The following OSBPL10 variants were observed in gnomAD, a reference collection of about 807,000 sequenced individuals.
OSBPL10 encodes oxysterol-binding protein-related protein 10.
A neutral mutation model predicts 81.7 loss-of-function variants in OSBPL10; 49 were observed. That is an observed-to-expected ratio of 0.60 (90% CI 0.48 to 0.76). The LOEUF (loss-of-function observed/expected upper bound fraction) is 0.76, where lower values mean the gene tolerates loss of function less well. OSBPL10 is among the 30% of genes least tolerant of loss of function. The pLI, the probability that OSBPL10 is intolerant of heterozygous loss-of-function variation, is 0.00. For missense variants in OSBPL10, 923 were observed against 987.8 expected (o/e 0.93, Z 0.88); for synonymous variants, 419 against 383.6 (o/e 1.09, Z -1.08).
chr3:32,045,528 T>C (rs1030322459), intron 2 of OSBPL10, among the ~76,000 whole-genome samples: 14 of 152,300 alleles, frequency 9.2e-5, no homozygotes, highest in Admixed American at 7.8e-4. Flanking sequence ...ACAGGGTCGA[T>C]AATAGAATGA....
intron 1 of OSBPL10, among the ~76,000 whole-genome samples, chr3:31,939,378 T>C (rs1181844840): frequency 6.6e-6 from 1 of 151,604 alleles, no homozygotes; most frequent in Admixed American, 6.6e-5. Context: ...CTCCTGACCT[T>C]GTGACCTACC....
At chr3:31,739,753 A>G (rs1232386493) in intron 5 of OSBPL10, among the ~76,000 whole-genome samples, 1 of 152,212 alleles carries the variant, frequency 6.6e-6, no homozygotes, top group Non-Finnish European at 1.5e-5. Context: ...CAAAACTGAG[A>G]AATTTTTGTT....
chr3:31,950,765 T>A (rs1697844821), intron 1 of OSBPL10, among the ~76,000 whole-genome samples: 1 of 152,194 alleles, frequency 6.6e-6, no homozygotes, highest in Non-Finnish European at 1.5e-5. Context: ...TCTGTTAGTT[T>A]ACCAGTTAGC....
chr3:31,942,907 T>C (rs757658488), intron 1 of OSBPL10, among the ~76,000 whole-genome samples: 15 of 152,234 alleles, frequency 9.9e-5, no homozygotes, highest in Non-Finnish European at 1.8e-4. Flanking sequence ...GTGACATTAG[T>C]TGTATTCACA....
intron 11 of OSBPL10, chr3:31,663,867 G>C: frequency 6.9e-7 from 1 of 1,442,946 alleles, no homozygotes. Flanking sequence ...CAGTTGCTCA[G>C]TTCTGCCCTC....
At chr3:31,869,301 C>G (rs567630120) in intron 3 of OSBPL10, among the ~76,000 whole-genome samples, 18 of 152,300 alleles carry the variant, frequency 1.2e-4, no homozygotes, top group African/African-American at 4.3e-4. Flanking sequence ...TCACTCTGAA[C>G]CCCACAATAT....
intron 2 of OSBPL10, among the ~76,000 whole-genome samples, chr3:32,015,903 T>C (rs1699309962): frequency 6.6e-6 from 1 of 152,122 alleles, no homozygotes; most frequent in African/African-American, 2.4e-5. Flanking sequence ...TGAGATACCA[T>C]CTCACACAGT....
At chr3:31,773,893 G>T (rs1047706911) in intron 4 of OSBPL10, among the ~76,000 whole-genome samples, 1 of 152,188 alleles carries the variant, frequency 6.6e-6, no homozygotes, top group African/African-American at 2.4e-5. Flanking sequence ...GCCAGGCGTG[G>T]TGGCTCACGC....
At chr3:31,893,946 C>G (rs1695980853) in intron 1 of OSBPL10, among the ~76,000 whole-genome samples, 1 of 152,034 alleles carries the variant, frequency 6.6e-6, no homozygotes, top group African/African-American at 2.4e-5. Flanking sequence ...GTGATAGTTA[C>G]AAAACTATAT....
At chr3:31,932,501 T>C (rs1697276924) in intron 1 of OSBPL10, among the ~76,000 whole-genome samples, 1 of 152,220 alleles carries the variant, frequency 6.6e-6, no homozygotes, top group African/African-American at 2.4e-5. Context: ...GGTTTCCCTA[T>C]GATTTAAATT....
At chr3:31,732,084 A>T (rs1361277753) in intron 6 of OSBPL10, among the ~76,000 whole-genome samples, 1 of 152,190 alleles carries the variant, frequency 6.6e-6, no homozygotes, top group Non-Finnish European at 1.5e-5. Flanking sequence ...AAGATCTAAT[A>T]ACTCACTTCT....
chr3:31,664,983 C>T lies in OSBPL10; in HGVS notation c.2097-751G>A, dbSNP rs539379270. ...GATGACCTTGACCTTCCTACCCTGGCATGGCAGGAGGAAACCCCATGAAAT... is the reference window on the plus strand; with the variant it reads ...GATGACCTTGACCTTCCTACCCTGGTATGGCAGGAGGAAACCCCATGAAAT... On this transcript the variant is annotated intron_variant, in intron 10 of 11. Coordinates refer to ENST00000396556, the MANE Select transcript of OSBPL10 (RefSeq NM_017784.5). Among the ~76,000 whole-genome samples, 4 of 152,164 alleles carry T rather than the reference C, an allele frequency of 2.6e-5. No individual in the cohort carries two copies. In the East Asian group the frequency reaches 7.7e-4, roughly 29 times the overall value.
At chr3:31,959,215 G>A (rs761705637) in intron 1 of OSBPL10, among the ~76,000 whole-genome samples, 4 of 152,002 alleles carry the variant, frequency 2.6e-5, no homozygotes, top group Non-Finnish European at 5.9e-5. Context: ...AATTTTTAAT[G>A]CAGTCTAATC....
chr3:31,692,153 C>A (rs1300997524), intron 7 of OSBPL10, among the ~76,000 whole-genome samples: 3 of 151,978 alleles, frequency 2.0e-5, no homozygotes, highest in Non-Finnish European at 4.4e-5. Flanking sequence ...TTCCAGAGTC[C>A]CAGACATCAG....
In OSBPL10 at chr3:31,734,013, AAAG is replaced by A. The variant is rs1273025295; in HGVS notation, c.941-605_941-603del. On this transcript the variant is annotated intron_variant, in intron 5 of 11. Transcript: ENST00000396556. ...CGACAGAGCAAGACTCTGTCTCAAA[AAAG>A]AAAAAAAAAATTCTAAATATTCACA... is the stretch of plus-strand genomic sequence containing the variant. Among the ~76,000 whole-genome samples, 71 of 148,402 alleles carry A rather than the reference AAAG, an allele frequency of 4.8e-4. 1 individual carries two copies. In the Middle Eastern group the frequency reaches 0.014, roughly 29 times the overall value.
intron 1 of OSBPL10, among the ~76,000 whole-genome samples, chr3:31,887,031 A>C (rs983915093): frequency 6.6e-6 from 1 of 151,952 alleles, no homozygotes; most frequent in Non-Finnish European, 1.5e-5. Context: ...GAACACACTA[A>C]TGGCAGAGAC....
chr3:31,683,969 G>C lies in OSBPL10; in HGVS notation c.1391C>G (p.Thr464Arg). Residue 464 changes from threonine to arginine, a missense_variant, in exon 8 of 12, where the codon ACA becomes AGA. Physicochemically the swap from Thr to Arg is moderately conservative, Grantham distance 71. Around this residue, in one of 3 missense-constraint regions of OSBPL10, gnomAD observed 387 missense variants for 436.3 expected, o/e 0.89. Transcript: ENST00000396556. ...GCCCTTGCGGCCCTCGTGAAAGGCT[G>C]TGAGATAATACTCAACGAAGCAAAT... Reference protein sequence around the residue: ...RVICFVEYYLTAFHEGRKGAL... With the variant: ...RVICFVEYYLRAFHEGRKGAL... The C allele has an allele frequency of 1.2e-6, 2 of 1,614,262 alleles. No individual in the cohort carries two copies. Among genetic ancestry groups the C allele is most frequent in the South Asian group, 2.2e-5 (2 of 91,086 alleles).
chr3:31,680,515 T>G lies in OSBPL10; in HGVS notation c.1726+3119A>C, dbSNP rs183822623. Among the ~76,000 whole-genome samples, 236 of 152,340 alleles carry G rather than the reference T, an allele frequency of 1.5e-3. 2 individuals carry two copies. The highest frequency in any genetic ancestry group is 5.5e-3 in the African/African-American group (229 of 41,582). ...ATACTGTGAATTATGCATGGGTTCC[T>G]AGGCAAGCTGCCTCTCTCGGGCTCC... is the stretch of plus-strand genomic sequence containing the variant. On this transcript the variant is annotated intron_variant, in intron 8 of 11. Coordinates refer to ENST00000396556, the MANE Select transcript of OSBPL10 (RefSeq NM_017784.5).
chr3:31,839,196 A>T (rs983835762), intron 3 of OSBPL10, among the ~76,000 whole-genome samples: 1 of 152,224 alleles, frequency 6.6e-6, no homozygotes, highest in African/African-American at 2.4e-5. Flanking sequence ...CTGATTCATT[A>T]TTATCTCTTC....
Sources: gnomAD v4.1 joint callset for allele counts (sites outside exome capture counted in the v4.1 genomes callset) on GRCh38, gnomAD v4.1.1 for gene constraint, gnomAD v4.1.1 regional missense constraint, MANE v1.5 for transcripts, NCBI Gene and HGNC (gene_info 2026-07-23, HGNC 2026-07-21) for gene names.